NLGN1: variants seen among roughly 807,000 people sequenced by gnomAD.
The protein encoded by NLGN1 is neuroligin-1.
NLGN1 carries 12 observed loss-of-function variants against 65.5 expected under a neutral mutation model. That is an observed-to-expected ratio of 0.18 (90% CI 0.12 to 0.30). The LOEUF (loss-of-function observed/expected upper bound fraction) is 0.30, where lower values mean the gene tolerates loss of function less well. Ranked by LOEUF, NLGN1 falls within the 10% of genes least tolerant of loss-of-function variation. NLGN1 has a pLI of 1.00. For missense variants in NLGN1, 750 were observed against 1,007.1 expected, an observed-to-expected ratio of 0.74 and a Z score of 3.46; for synonymous variants, 350 against 359.5, an observed-to-expected ratio of 0.97 and a Z score of 0.30.
intron 3 of NLGN1, among the ~76,000 whole-genome samples, chr3:173,623,853 CAAG>C (rs1407143412): frequency 6.6e-6 from 1 of 152,076 alleles, no homozygotes; most frequent in Non-Finnish European, 1.5e-5. Flanking sequence ...TGCCATCTGA[CAAG>C]AAGTTGATCA....
intron 4 of NLGN1, among the ~76,000 whole-genome samples, chr3:174,107,711 A>G (rs1714253605): frequency 6.6e-6 from 1 of 152,090 alleles, no homozygotes; most frequent in African/African-American, 2.4e-5. Flanking sequence ...ATAAACTACC[A>G]TATTGTTTTT....
intron 3 of NLGN1, among the ~76,000 whole-genome samples, chr3:173,653,393 A>G (rs1759515592): frequency 6.6e-6 from 1 of 152,082 alleles, no homozygotes. Flanking sequence ...TTTGGCCTAT[A>G]TTATTTTGAG....
At chr3:174,003,186 CA>C (rs1163630419) in intron 4 of NLGN1, among the ~76,000 whole-genome samples, 1 of 152,020 alleles carries the variant, frequency 6.6e-6, no homozygotes. Context: ...TGACATTATT[CA>C]GAAGAATAAT....
chr3:173,769,419 A>G (rs1050377466), intron 3 of NLGN1, among the ~76,000 whole-genome samples: 1 of 152,000 alleles, frequency 6.6e-6, no homozygotes, highest in Non-Finnish European at 1.5e-5. Flanking sequence ...CCAAACACAC[A>G]TATGAGGGCC....
intron 2 of NLGN1, among the ~76,000 whole-genome samples, chr3:173,446,113 G>T (rs1010204525): frequency 6.7e-6 from 1 of 148,602 alleles, no homozygotes; most frequent in Non-Finnish European, 1.5e-5. Context: ...TGTGCACAAC[G>T]TGCAGGTTTG....
Position 174,146,284 on chromosome 3 carries a change from ATTG to A in NLGN1, c.647-129026_647-129024del, listed in dbSNP as rs572931572. Among the ~76,000 whole-genome samples, 117 of 152,272 alleles carry A rather than the reference ATTG, an allele frequency of 7.7e-4. 1 individual carries two copies. Among genetic ancestry groups the A allele is most frequent in the African/African-American group, 2.6e-3 (110 of 41,550 alleles). On this transcript the variant is annotated intron_variant, in intron 4 of 6. Coordinates refer to ENST00000457714, the Ensembl canonical transcript of NLGN1. ...ATGTTGTACACTTTGAGTATATACA[ATTG>A]TTGTCTATCAAATATTTTAAGATTT...
At chr3:174,159,846 A>G (rs531085338) in intron 4 of NLGN1, among the ~76,000 whole-genome samples, 14 of 151,792 alleles carry the variant, frequency 9.2e-5, no homozygotes, top group African/African-American at 3.1e-4. Context: ...ATTATGCTTA[A>G]CCTTCGCTAG....
chr3:173,485,180 G>A (rs575730040), intron 2 of NLGN1, among the ~76,000 whole-genome samples: 2 of 143,008 alleles, frequency 1.4e-5, no homozygotes, highest in East Asian at 4.5e-4. Context: ...ATCAGATCTT[G>A]TGAGACCCAG....
At chr3:174,001,283 A>C (rs1251814774) in intron 4 of NLGN1, among the ~76,000 whole-genome samples, 2 of 152,098 alleles carry the variant, frequency 1.3e-5, no homozygotes, top group African/African-American at 4.8e-5. Context: ...AGGGTCAGCG[A>C]GAGGGAGATT....
chr3:173,646,011 G>A (rs1450973267), intron 3 of NLGN1, among the ~76,000 whole-genome samples: 1 of 152,134 alleles, frequency 6.6e-6, no homozygotes, highest in Non-Finnish European at 1.5e-5. Context: ...ATTGCTGGCA[G>A]TGGACAGGTG....
At chr3:173,531,687 G>A (rs1736598934) in intron 2 of NLGN1, among the ~76,000 whole-genome samples, 1 of 151,734 alleles carries the variant, frequency 6.6e-6, no homozygotes, top group African/African-American at 2.4e-5. Context: ...TATATTCAAA[G>A]TTAAGTTAAC....
chr3:173,792,954 T>C (rs917594646), intron 3 of NLGN1, among the ~76,000 whole-genome samples: 1 of 152,180 alleles, frequency 6.6e-6, no homozygotes, highest in Admixed American at 6.6e-5. Context: ...TTTTAGCTAT[T>C]TTAAAACTCA....
At chr3:173,753,458 T>A (rs925822007) in intron 3 of NLGN1, among the ~76,000 whole-genome samples, 3 of 152,122 alleles carry the variant, frequency 2.0e-5, no homozygotes, top group African/African-American at 7.2e-5. Context: ...ATACACCATA[T>A]CTAATTTGCC....
chr3:173,886,772 T>G (rs772825354), intron 4 of NLGN1, among the ~76,000 whole-genome samples: 3 of 152,038 alleles, frequency 2.0e-5, no homozygotes, highest in Non-Finnish European at 4.4e-5. Flanking sequence ...GCCTCCTGAC[T>G]CCATAGGAGG....
intron 3 of NLGN1, among the ~76,000 whole-genome samples, chr3:173,799,018 ATGTT>A (rs1264315057): frequency 2.0e-5 from 3 of 152,024 alleles, no homozygotes; most frequent in Admixed American, 2.0e-4. Flanking sequence ...TTTGCTAAAA[ATGTT>A]TAACAATCTT....
intron 4 of NLGN1, among the ~76,000 whole-genome samples, chr3:174,136,783 T>C (rs376847549): frequency 6.6e-6 from 1 of 152,192 alleles, no homozygotes; most frequent in Non-Finnish European, 1.5e-5. Context: ...TATGCCAGGT[T>C]TCCCAAAGTA....
intron 3 of NLGN1, among the ~76,000 whole-genome samples, chr3:173,743,075 T>C (rs995957947): frequency 5.3e-5 from 8 of 152,174 alleles, no homozygotes; most frequent in African/African-American, 1.9e-4. Flanking sequence ...CTCAATATGC[T>C]GAGGCTACCA....
chr3:173,495,697 A>AAAAT (rs60479776), intron 2 of NLGN1, among the ~76,000 whole-genome samples: 1 of 145,850 alleles, frequency 6.9e-6, no homozygotes. Context: ...AAAAAAAAAA[A>AAAAT]CTCTATTGAG....
chr3:173,673,846 A>G (rs1762781796), intron 3 of NLGN1, among the ~76,000 whole-genome samples: 1 of 152,178 alleles, frequency 6.6e-6, no homozygotes, highest in South Asian at 2.1e-4. Context: ...GATTTATTGA[A>G]AATGAAAGTA....
Sources: gnomAD v4.1 joint callset for allele counts (sites outside exome capture counted in the v4.1 genomes callset) on GRCh38, gnomAD v4.1.1 for gene constraint, MANE v1.5 for transcripts, NCBI Gene and HGNC (gene_info 2026-07-23, HGNC 2026-07-21) for gene names.